Variants in ESRRG observed in about 807,000 individuals in gnomAD.
ESRRG encodes estrogen-related receptor gamma.
A neutral mutation model predicts 44.0 loss-of-function variants in ESRRG; 13 were observed. The ratio of observed to expected loss-of-function variants is 0.30; its 90% CI spans 0.19 to 0.47. The LOEUF is 0.47. Among genes scored for constraint, ESRRG ranks in the 20% least tolerant of loss-of-function variants. The pLI is 1.00. For missense variants in ESRRG, 395 were observed against 580.6 expected, an observed-to-expected ratio of 0.68 and a Z score of 3.29; for synonymous variants, 215 against 214.6, an observed-to-expected ratio of 1.00 and a Z score of -0.02.
intron 1 of ESRRG, among the ~76,000 whole-genome samples, chr1:217,102,763 T>C (rs1313832569): frequency 6.6e-6 from 1 of 152,206 alleles, no homozygotes; most frequent in Non-Finnish European, 1.5e-5. Flanking sequence ...CAACAAGCTC[T>C]TACTCTTTGG....
At chr1:216,531,688 T>C (rs2049413038) in intron 5 of ESRRG, among the ~76,000 whole-genome samples, 1 of 152,168 alleles carries the variant, frequency 6.6e-6, no homozygotes, top group African/African-American at 2.4e-5. Context: ...GGATATATGA[T>C]ACACAAACCA....
chr1:216,858,095 C>T (rs555241887), intron 2 of ESRRG, among the ~76,000 whole-genome samples: 34 of 152,050 alleles, frequency 2.2e-4, no homozygotes, highest in African/African-American at 6.0e-4. Context: ...AATGAGAAGA[C>T]GGATATGAAA....
At chr1:216,587,794 G>T (rs2056925680) in intron 3 of ESRRG, among the ~76,000 whole-genome samples, 1 of 152,174 alleles carries the variant, frequency 6.6e-6, no homozygotes, top group Admixed American at 6.5e-5. Flanking sequence ...AAAACAGGGA[G>T]AGCCTGCAGT....
intron 2 of ESRRG, among the ~76,000 whole-genome samples, chr1:216,877,440 G>A (rs998574795): frequency 6.7e-6 from 1 of 149,518 alleles, no homozygotes; most frequent in Non-Finnish European, 1.5e-5. Flanking sequence ...GTCTCACTCT[G>A]TCACCCAGGC....
chr1:216,716,495 C>T (rs539272490), intron 1 of ESRRG, among the ~76,000 whole-genome samples: 8 of 151,966 alleles, frequency 5.3e-5, no homozygotes, highest in South Asian at 2.1e-4. Context: ...CCTGACAGCC[C>T]TCAGTATGCC....
chr1:216,873,829 G>A (rs1290984810), intron 2 of ESRRG, among the ~76,000 whole-genome samples: 2 of 145,804 alleles, frequency 1.4e-5, no homozygotes, highest in Non-Finnish European at 3.0e-5. Context: ...AGCACTTGGA[G>A]CCTGGGTGCA....
At chr1:216,756,578 G>C (rs2092458786) in intron 2 of ESRRG, among the ~76,000 whole-genome samples, 1 of 152,094 alleles carries the variant, frequency 6.6e-6, no homozygotes, top group Non-Finnish European at 1.5e-5. Context: ...TTCCCCACTA[G>C]GAATTGAGAG....
chr1:216,581,537 T>C (rs1316161997), intron 3 of ESRRG, among the ~76,000 whole-genome samples: 1 of 152,170 alleles, frequency 6.6e-6, no homozygotes. Context: ...CCATGTTCTA[T>C]GAGTTTACAT....
chr1:216,925,583 G>T lies in ESRRG; in HGVS notation c.-14+13999C>A, dbSNP rs772474761. On this transcript the variant is annotated intron_variant, in intron 2 of 7. Transcript: ENST00000359162. ...ATGCCCCTGAGGTTTTTCTGTTTTT[G>T]GGGGGACAGGGATTGGGTTTTTGTT... 6.2e-4 allele frequency among the ~76,000 whole-genome samples: 94 copies of T among 152,262 alleles called. 1 individual carries two copies. The highest frequency in any genetic ancestry group is 9.6e-4 in the Non-Finnish European group (65 of 68,016).
chr1:216,728,743 C>A (rs1350164501), intron 2 of ESRRG, among the ~76,000 whole-genome samples: 3 of 151,734 alleles, frequency 2.0e-5, no homozygotes, highest in Non-Finnish European at 2.9e-5. Flanking sequence ...TTAAAAGCTC[C>A]CTTTTCCTGT....
intron 3 of ESRRG, among the ~76,000 whole-genome samples, chr1:216,580,104 T>C (rs1029147117): frequency 3.3e-5 from 5 of 152,208 alleles, no homozygotes; most frequent in African/African-American, 1.2e-4. Flanking sequence ...AAAGTGTCTA[T>C]ACATCATCAT....
At chr1:216,825,271 T>A (rs11117688) in intron 2 of ESRRG, among the ~76,000 whole-genome samples, 3 of 152,194 alleles carry the variant, frequency 2.0e-5, no homozygotes, top group African/African-American at 7.2e-5. Context: ...AGAGAAATCA[T>A]TGGCCTAAGC....
intron 1 of ESRRG, among the ~76,000 whole-genome samples, chr1:216,706,200 T>A (rs1234151867): frequency 2.0e-5 from 3 of 152,036 alleles, no homozygotes; most frequent in Middle Eastern, 6.8e-3. Flanking sequence ...CCACCTCAGC[T>A]TTAAAAAGTG....
chr1:217,095,818 C>G (rs12136545), intron 1 of ESRRG, among the ~76,000 whole-genome samples: 2 of 152,172 alleles, frequency 1.3e-5, no homozygotes, highest in Admixed American at 1.3e-4. Flanking sequence ...GAGTTTGAAG[C>G]TACAGTGCAC....
intron 2 of ESRRG, among the ~76,000 whole-genome samples, chr1:216,751,633 T>C (rs1444348347): frequency 6.6e-6 from 1 of 152,024 alleles, no homozygotes; most frequent in East Asian, 1.9e-4. Context: ...GAGCCACCAG[T>C]AGACCCAAAA....
At chr1:217,096,816 T>G (rs1202598802) in intron 1 of ESRRG, among the ~76,000 whole-genome samples, 1 of 152,170 alleles carries the variant, frequency 6.6e-6, no homozygotes, top group African/African-American at 2.4e-5. Context: ...TTTTAGTTAT[T>G]TTTTTATTCC....
intron 3 of ESRRG, among the ~76,000 whole-genome samples, chr1:216,593,106 A>G (rs906465552): frequency 7.9e-5 from 12 of 152,228 alleles, no homozygotes; most frequent in African/African-American, 2.9e-4. Flanking sequence ...TATTAGAGAA[A>G]GAACAGCCAC....
chr1:217,116,246 G>T (rs565166660), intron 1 of ESRRG, among the ~76,000 whole-genome samples: 1 of 152,116 alleles, frequency 6.6e-6, no homozygotes, highest in Non-Finnish European at 1.5e-5. Context: ...CCATCACCAG[G>T]AATAACAGTG....
chr1:216,801,835 T>C (rs556024910), intron 2 of ESRRG, among the ~76,000 whole-genome samples: 1 of 152,292 alleles, frequency 6.6e-6, no homozygotes, highest in Admixed American at 6.5e-5. Flanking sequence ...TCTTGATAAT[T>C]AGGAGTTGAT....
Sources: gnomAD v4.1 joint callset for allele counts (sites outside exome capture counted in the v4.1 genomes callset) on GRCh38, gnomAD v4.1.1 for gene constraint, MANE v1.5 for transcripts, NCBI Gene and HGNC (gene_info 2026-07-23, HGNC 2026-07-21) for gene names.